ATE1: variants seen among roughly 807,000 people sequenced by gnomAD.
ATE1 encodes arginyl-tRNA--protein transferase 1.
A neutral mutation model predicts 70.5 loss-of-function variants in ATE1; 36 were observed. The observed-to-expected ratio is 0.51, with a 90% CI of 0.39 to 0.67. The LOEUF is 0.67. Among genes scored for constraint, ATE1 ranks in the 30% least tolerant of loss-of-function variants. The pLI is 0.00. For missense variants in ATE1, 593 were observed against 629.5 expected (o/e 0.94, Z 0.62); for synonymous variants, 232 against 219.3 (o/e 1.06, Z -0.51).
chr10:121,784,777 G>C (rs1175694397), intron 11 of ATE1, among the ~76,000 whole-genome samples: 1 of 152,012 alleles, frequency 6.6e-6, no homozygotes, highest in African/African-American at 2.4e-5. Flanking sequence ...GAGTATTGCT[G>C]GAATCCGGGA....
chr10:121,784,553 TA>T (rs1175458893), intron 11 of ATE1, among the ~76,000 whole-genome samples: 3 of 151,058 alleles, frequency 2.0e-5, no homozygotes, highest in African/African-American at 2.4e-5. Context: ...AATAAGTGGC[TA>T]AAAAAAAATA....
At chr10:121,789,884 T>C (rs961729102) in intron 11 of ATE1, among the ~76,000 whole-genome samples, 1 of 152,158 alleles carries the variant, frequency 6.6e-6, no homozygotes, top group African/African-American at 2.4e-5. Context: ...GGAAAAGATA[T>C]GGATATTGAT....
chr10:121,837,852 G>A (rs562562973), intron 9 of ATE1, among the ~76,000 whole-genome samples: 3 of 152,192 alleles, frequency 2.0e-5, no homozygotes, highest in South Asian at 2.1e-4. Flanking sequence ...GCAAGCGTAA[G>A]ACCACCAATT....
At chr10:121,912,883 C>T (rs1951499311) in intron 4 of ATE1, among the ~76,000 whole-genome samples, 1 of 130,156 alleles carries the variant, frequency 7.7e-6, no homozygotes, top group South Asian at 2.4e-4. Flanking sequence ...TACGGGCGTG[C>T]ACCACGAAGC....
chr10:121,758,720 A>G (rs1944911351), intron 11 of ATE1, among the ~76,000 whole-genome samples: 3 of 152,104 alleles, frequency 2.0e-5, no homozygotes, highest in Admixed American at 2.0e-4. Flanking sequence ...TTCCAAGAGT[A>G]TGTGTTTACT....
chr10:121,837,127 G>T (rs1948462003), intron 9 of ATE1, among the ~76,000 whole-genome samples: 1 of 152,126 alleles, frequency 6.6e-6, no homozygotes, highest in African/African-American at 2.4e-5. Flanking sequence ...TATTCATCAT[G>T]CCCTATGGTT....
chr10:121,770,245 CACA>C (rs1443657435), intron 11 of ATE1, among the ~76,000 whole-genome samples: 5 of 147,904 alleles, frequency 3.4e-5, no homozygotes, highest in African/African-American at 1.2e-4. Flanking sequence ...CACACACACA[CACA>C]CACACACACA....
At chr10:121,759,384 G>T (rs1159919252) in intron 11 of ATE1, among the ~76,000 whole-genome samples, 1 of 152,198 alleles carries the variant, frequency 6.6e-6, no homozygotes, top group Non-Finnish European at 1.5e-5. Flanking sequence ...AGCTAGGAGA[G>T]ATTGATTCAT....
Position 121,924,358 on chromosome 10 carries a change from G to A in ATE1, c.107-29C>T, listed in dbSNP as rs751395572. On this transcript the variant is annotated intron_variant, in intron 1 of 11. Transcript: ENST00000224652. ...AAAAAATAAGTAGTGTGTTAATTACGGCAGGGTAACCTTTTTTCTTTTTTA... is the reference window on the plus strand; with the variant it reads ...AAAAAATAAGTAGTGTGTTAATTACAGCAGGGTAACCTTTTTTCTTTTTTA... The A allele has an allele frequency of 2.6e-5, 42 of 1,596,196 alleles. 1 individual carries two copies. The East Asian group carries it at 3.6e-4, about 14-fold the overall frequency.
At chr10:121,745,568 A>T (rs1186295077) in intron 11 of ATE1, among the ~76,000 whole-genome samples, 1 of 152,000 alleles carries the variant, frequency 6.6e-6, no homozygotes, top group Non-Finnish European at 1.5e-5. Context: ...AAAACCAAAA[A>T]ACAAAAAAAT....
rs549480792 is a variant in ATE1 at position 121,878,364 on chromosome 10, G to A, written c.943-8326C>T. Among the ~76,000 whole-genome samples, 345 of 152,144 alleles carry A rather than the reference G, an allele frequency of 2.3e-3. 1 individual carries two copies. The highest frequency in any genetic ancestry group is 7.9e-3 in the African/African-American group (330 of 41,518). Reference sequence around the variant, plus strand: ...TCCCAGCACTTTGGGAGGCTGAGGCGGGTAGACTGCTTGAGGCCAGGAGTT... The same window carrying A: ...TCCCAGCACTTTGGGAGGCTGAGGCAGGTAGACTGCTTGAGGCCAGGAGTT... On this transcript the variant is annotated intron_variant, in intron 7 of 11. Coordinates refer to ENST00000224652, the MANE Select transcript of ATE1 (RefSeq NM_001001976.3).
At chr10:121,862,045 T>C (rs1289405287) in intron 8 of ATE1, among the ~76,000 whole-genome samples, 1 of 152,154 alleles carries the variant, frequency 6.6e-6, no homozygotes, top group African/African-American at 2.4e-5. Context: ...TCCCAGGCCT[T>C]AGAACAGAGA....
intron 7 of ATE1, among the ~76,000 whole-genome samples, chr10:121,878,361 G>A (rs902727121): frequency 6.6e-6 from 1 of 152,124 alleles, no homozygotes; most frequent in African/African-American, 2.4e-5. Context: ...GGGAGGCTGA[G>A]GCGGGTAGAC....
At chr10:121,758,593 ACGT>A (rs1944904673) in intron 11 of ATE1, among the ~76,000 whole-genome samples, 1 of 152,130 alleles carries the variant, frequency 6.6e-6, no homozygotes, top group African/African-American at 2.4e-5. Flanking sequence ...ATATAACCAT[ACGT>A]TATTTTGCTG....
At chr10:121,797,727 G>A (rs1001984578) in intron 10 of ATE1, among the ~76,000 whole-genome samples, 5 of 151,858 alleles carry the variant, frequency 3.3e-5, no homozygotes, top group East Asian at 1.9e-4. Context: ...GCTTCCTTGC[G>A]GTCCCTTGCA....
chr10:121,901,313 T>A (rs1473715318), intron 6 of ATE1, among the ~76,000 whole-genome samples: 1 of 152,122 alleles, frequency 6.6e-6, no homozygotes, highest in African/African-American at 2.4e-5. Flanking sequence ...TATACTGAAT[T>A]AAGGCTTAGA....
At chr10:121,872,624 T>C (rs1949901266) in intron 7 of ATE1, among the ~76,000 whole-genome samples, 1 of 152,060 alleles carries the variant, frequency 6.6e-6, no homozygotes, top group African/African-American at 2.4e-5. Context: ...TATAAAAAAA[T>C]GAGACTGCAA....
chr10:121,891,205 G>A (rs1048222844), intron 7 of ATE1, among the ~76,000 whole-genome samples: 1 of 152,096 alleles, frequency 6.6e-6, no homozygotes, highest in Non-Finnish European at 1.5e-5. Context: ...CTGAAGAGGT[G>A]GTAACTGATT....
chr10:121,916,615 C>G (rs796492213), intron 3 of ATE1, among the ~76,000 whole-genome samples: 88 of 152,228 alleles, frequency 5.8e-4, no homozygotes, highest in African/African-American at 2.0e-3. Context: ...GCAGGTGGAT[C>G]ACGAGGTCAG....
Sources: gnomAD v4.1 joint callset for allele counts (sites outside exome capture counted in the v4.1 genomes callset) on GRCh38, gnomAD v4.1.1 for gene constraint, MANE v1.5 for transcripts, NCBI Gene and HGNC (gene_info 2026-07-23, HGNC 2026-07-21) for gene names.